APBB1IP: variants seen among roughly 807,000 people sequenced by gnomAD.
The protein encoded by APBB1IP is amyloid beta precursor protein binding family B member 1 interacting protein.
A neutral mutation model predicts 64.9 loss-of-function variants in APBB1IP; 27 were observed. The ratio of observed to expected loss-of-function variants is 0.42; its 90% CI spans 0.31 to 0.57. The LOEUF (loss-of-function observed/expected upper bound fraction) is 0.57, where lower values mean the gene tolerates loss of function less well. Among genes scored for constraint, APBB1IP ranks in the 20% least tolerant of loss-of-function variants. The probability of loss-of-function intolerance (pLI) is 0.20; values close to 1 mark genes in which losing one functional copy is unlikely to be tolerated. For missense variants in APBB1IP, 812 were observed against 845.5 expected, an observed-to-expected ratio of 0.96 and a Z score of 0.49; for synonymous variants, 392 against 331.0, an observed-to-expected ratio of 1.18 and a Z score of -2.00.
intron 11 of APBB1IP, among the ~76,000 whole-genome samples, chr10:26,542,906 C>T (rs187711717): frequency 1.1e-3 from 166 of 150,394 alleles, no homozygotes; most frequent in Admixed American, 1.7e-3. Flanking sequence ...GGTCATTTGG[C>T]GAACCCTAAA....
intron 2 of APBB1IP, among the ~76,000 whole-genome samples, chr10:26,457,869 T>C (rs1835545721): frequency 6.6e-6 from 1 of 152,242 alleles, no homozygotes; most frequent in African/African-American, 2.4e-5. Flanking sequence ...AGATTTATCC[T>C]AAAGATAATC....
intron 2 of APBB1IP, among the ~76,000 whole-genome samples, chr10:26,449,212 A>G (rs746015702): frequency 4.3e-4 from 66 of 152,298 alleles, no homozygotes; most frequent in Non-Finnish European, 7.5e-4. Flanking sequence ...ACAAAGAAAA[A>G]TGGCAGTTTA....
chr10:26,563,005 T>C (rs1790441308), intron 14 of APBB1IP, among the ~76,000 whole-genome samples: 1 of 152,218 alleles, frequency 6.6e-6, no homozygotes, highest in African/African-American at 2.4e-5. Flanking sequence ...TATGTTTACT[T>C]TGACCAAAGT....
chr10:26,522,500 T>G (rs1014141656), intron 8 of APBB1IP, among the ~76,000 whole-genome samples: 10 of 152,222 alleles, frequency 6.6e-5, no homozygotes, highest in Non-Finnish European at 1.2e-4. Flanking sequence ...TCATTTCATT[T>G]TCTCCACAAA....
intron 11 of APBB1IP, among the ~76,000 whole-genome samples, chr10:26,553,353 T>G (rs1001344194): frequency 6.6e-6 from 1 of 151,542 alleles, no homozygotes; most frequent in African/African-American, 2.4e-5. Flanking sequence ...ATTCATTCAT[T>G]CAACAACATT....
intron 9 of APBB1IP, 79 bp from the exon 10 acceptor site, chr10:26,535,995 T>A (rs1316196473): frequency 1.3e-5 from 19 of 1,438,254 alleles, no homozygotes; most frequent in Non-Finnish European, 1.4e-5. Context: ...AAAAGCTAAT[T>A]TGTAAGTTTT....
intron 8 of APBB1IP, among the ~76,000 whole-genome samples, chr10:26,526,505 A>T (rs1836475706): frequency 7.1e-6 from 1 of 141,514 alleles, no homozygotes. Context: ...CAGATCACGA[A>T]GTCAGGAGAT....
At chr10:26,454,022 T>A (rs1170988827) in intron 2 of APBB1IP, among the ~76,000 whole-genome samples, 1 of 152,230 alleles carries the variant, frequency 6.6e-6, no homozygotes, top group East Asian at 1.9e-4. Context: ...GGAGTACTAT[T>A]CAGCCATGAA....
At chr10:26,546,543 T>TA (rs1836767593) in intron 11 of APBB1IP, among the ~76,000 whole-genome samples, 1 of 152,218 alleles carries the variant, frequency 6.6e-6, no homozygotes, top group African/African-American at 2.4e-5. Flanking sequence ...ACGTTTATCA[T>TA]AAAATCCTCT....
At chr10:26,513,492 AC>A (rs1564365665) in intron 7 of APBB1IP, 46 bp from the exon 8 acceptor site, 1 of 1,601,908 alleles carries the variant, frequency 6.2e-7, no homozygotes, top group African/African-American at 1.3e-5. Context: ...TCACTTGGAA[AC>A]CCTGATGTCT....
chr10:26,512,723 C>T (rs1379241426), intron 7 of APBB1IP, among the ~76,000 whole-genome samples: 1 of 152,078 alleles, frequency 6.6e-6, no homozygotes, highest in South Asian at 2.1e-4. Flanking sequence ...CCTCCTGCCT[C>T]TGCATCCCGA....
intron 2 of APBB1IP, among the ~76,000 whole-genome samples, chr10:26,467,230 A>G (rs143576267): frequency 1.3e-5 from 2 of 152,276 alleles, no homozygotes; most frequent in East Asian, 3.9e-4. Flanking sequence ...TAACTTTGAG[A>G]ATAGAAGTAT....
intron 2 of APBB1IP, among the ~76,000 whole-genome samples, chr10:26,446,854 G>GTAGATAGATAGA (rs373873259): frequency 1.2e-4 from 8 of 66,558 alleles, no homozygotes; most frequent in Non-Finnish European, 2.0e-4. Context: ...AGCAAAACCT[G>GTAGATAGATAGA]TAGATAGATA....
At chr10:26,513,494 C>T (rs767287528) in intron 7 of APBB1IP, 45 bp from the exon 8 acceptor site, 9 of 1,603,638 alleles carry the variant, frequency 5.6e-6, no homozygotes, top group South Asian at 1.1e-5. Context: ...ACTTGGAAAC[C>T]CTGATGTCTT....
At chr10:26,475,504 C>A (rs2770193) in intron 2 of APBB1IP, among the ~76,000 whole-genome samples, 6,722 of 152,168 alleles carry the variant, frequency 0.044, 481 homozygotes, top group African/African-American at 0.15. Flanking sequence ...CTGTGTTTTT[C>A]CTTCACACAA....
chr10:26,539,778 T>A (rs1450868136), intron 10 of APBB1IP, among the ~76,000 whole-genome samples: 1 of 151,782 alleles, frequency 6.6e-6, no homozygotes, highest in Non-Finnish European at 1.5e-5. Flanking sequence ...AAGATAAACA[T>A]ACAGAAAAAT....
At chr10:26,455,472 G>A (rs1210039902) in intron 2 of APBB1IP, among the ~76,000 whole-genome samples, 2 of 150,760 alleles carry the variant, frequency 1.3e-5, no homozygotes, top group East Asian at 2.0e-4. Context: ...AGGTAGCAGT[G>A]AGTTGAGATT....
chr10:26,564,790 G>A (rs1048270101), intron 14 of APBB1IP, among the ~76,000 whole-genome samples: 2 of 151,742 alleles, frequency 1.3e-5, no homozygotes, highest in African/African-American at 2.4e-5. Flanking sequence ...GTGACAGAAC[G>A]AGACTCTGCC....
chr10:26,465,870 G>C (rs1259510669), intron 2 of APBB1IP, among the ~76,000 whole-genome samples: 1 of 152,166 alleles, frequency 6.6e-6, no homozygotes, highest in Admixed American at 6.5e-5. Context: ...CAGGTGCCCT[G>C]GAAATGGTAG....
Sources: gnomAD v4.1 joint callset for allele counts (sites outside exome capture counted in the v4.1 genomes callset) on GRCh38, gnomAD v4.1.1 for gene constraint, MANE v1.5 for transcripts, NCBI Gene and HGNC (gene_info 2026-07-23, HGNC 2026-07-21) for gene names.